Variants in ECE1 observed in about 807,000 individuals in gnomAD.
ECE1 encodes the protein endothelin-converting enzyme 1.
Under a neutral mutation model 98.6 loss-of-function variants are expected in ECE1, and 35 were observed. The observed-to-expected ratio is 0.35, with a 90% CI of 0.27 to 0.47. ECE1 has a LOEUF of 0.47. Ranked by LOEUF, ECE1 falls within the 20% of genes least tolerant of loss-of-function variation. The pLI is 1.00. For missense variants in ECE1, 814 were observed against 1,025.3 expected (o/e 0.79, Z 2.81); for synonymous variants, 394 against 407.1 (o/e 0.97, Z 0.39).
intron 1 of ECE1, among the ~76,000 whole-genome samples, chr1:21,296,465 A>T (rs1417923325): frequency 6.6e-6 from 1 of 152,212 alleles, no homozygotes; most frequent in Non-Finnish European, 1.5e-5. Context: ...GTGAGCTGAG[A>T]TCACGCCACT....
At position 21,290,302 on chromosome 1, in the gene ECE1, C is replaced by T; in HGVS notation, c.51+62G>A. ...AGACCGAGACCGGCCCACGGAGCGG[C>T]CCGCGCGGGGAGGGGTCCCGCCCGC... On this transcript the variant is annotated intron_variant, in intron 1 of 18. Transcript: ENST00000374893. This position sits in a 1 kb window ranked among gnomAD's most constrained non-coding sequence, Gnocchi z 7.3. 1 of 1,242,190 alleles carries T rather than the reference C, an allele frequency of 8.1e-7. No homozygotes were observed. Among genetic ancestry groups the T allele is most frequent in the Non-Finnish European group, 1.0e-6 (1 of 995,916 alleles). 76.9% of individuals were successfully genotyped at this position (1,242,190 alleles called of 1,614,324 possible).
In ECE1 at chr1:21,221,756, G is replaced by T. The variant is rs931853713; in HGVS notation, c.2127C>A (p.Gly709=). The T allele has an allele frequency of 6.2e-7, 1 of 1,614,184 alleles. No homozygotes were observed. Among genetic ancestry groups the T allele is most frequent in the Non-Finnish European group, 8.5e-7 (1 of 1,179,998 alleles). Reference sequence around the variant, plus strand: ...TTCCTAATGGACTCACCTGTGCAAAGCCCAGGAAGAAGAGCTGGTTATTGG... The same window carrying T: ...TTCCTAATGGACTCACCTGTGCAAATCCCAGGAAGAAGAGCTGGTTATTGG... ...GLTNNQLFFL[G]FAQVWCSVRT... The change falls in exon 18 of 19, where the codon GGC becomes GGA. Residue 709 remains glycine (G), a synonymous_variant. Coordinates refer to ENST00000374893, the MANE Select transcript of ECE1 (RefSeq NM_001397.3).
At position 21,219,108 on chromosome 1, in the gene ECE1, G is replaced by A. The variant is rs2098164246; in HGVS notation, c.*847C>T. 1 of 152,384 alleles carries A rather than the reference G, an allele frequency of 6.6e-6. No homozygotes were observed. The highest frequency in any genetic ancestry group is 2.1e-4 in the South Asian group (1 of 4,838). The allele number at this position is 152,384 out of a possible 1,614,324, so 9.4% of individuals were successfully genotyped here. A position where few individuals can be genotyped will look rare whatever the true frequency, so the allele number is the denominator to read the frequency against. ...CTGCAGTCTCGATTCAGGGTGCTTG[G>A]TGTTCCCAGATGGTGTTTGAGGGTC... On this transcript the variant is annotated 3_prime_UTR_variant, in exon 19 of 19. Transcript: ENST00000374893. The surrounding 1 kb of genome is among the most constrained non-coding windows in gnomAD (Gnocchi z 4.5).
At chr1:21,315,352 T>A (rs1033161000) in intron 1 of ECE1, among the ~76,000 whole-genome samples, 2 of 152,180 alleles carry the variant, frequency 1.3e-5, no homozygotes, top group Non-Finnish European at 2.9e-5. Flanking sequence ...CCCCAATGGA[T>A]CAACCTCAGA....
chr1:21,283,236 C>A (rs1015017791), intron 2 of ECE1, among the ~76,000 whole-genome samples: 1 of 151,608 alleles, frequency 6.6e-6, no homozygotes, highest in Non-Finnish European at 1.5e-5. Context: ...TGAGCCACAG[C>A]GCCCGGCCCA....
At chr1:21,332,315 T>G (rs188363260) in intron 1 of ECE1, among the ~76,000 whole-genome samples, 10 of 152,184 alleles carry the variant, frequency 6.6e-5, no homozygotes, top group African/African-American at 2.4e-4. Context: ...GCAGGGGCTC[T>G]GCTCCATCAG....
At chr1:21,229,863 T>C (rs995620872) in intron 14 of ECE1, among the ~76,000 whole-genome samples, 11 of 152,082 alleles carry the variant, frequency 7.2e-5, no homozygotes, top group African/African-American at 2.7e-4. Flanking sequence ...TGGAATTTAG[T>C]GTAACAGAGT....
At chr1:21,333,344 G>A (rs7529340) in intron 1 of ECE1, among the ~76,000 whole-genome samples, 7,591 of 150,434 alleles carry the variant, frequency 0.05, 253 homozygotes, top group East Asian at 0.12. Context: ...TGGGGGGGGC[G>A]GGGGGGTGGG....
intron 3 of ECE1, 89 bp downstream of exon 3, chr1:21,279,102 G>C: frequency 6.2e-7 from 1 of 1,606,714 alleles, no homozygotes; most frequent in Non-Finnish European, 8.5e-7. Flanking sequence ...GCCCTGCCCC[G>C]GCTTAAGCAG....
At chr1:21,338,981 A>G (rs1639352337) in intron 1 of ECE1, among the ~76,000 whole-genome samples, 1 of 152,076 alleles carries the variant, frequency 6.6e-6, no homozygotes. Context: ...CTTCTGGGCC[A>G]GGGGCTGCTC....
intron 4 of ECE1, among the ~76,000 whole-genome samples, chr1:21,268,902 G>T (rs1190766703): frequency 2.0e-5 from 3 of 152,180 alleles, no homozygotes; most frequent in Non-Finnish European, 4.4e-5. Context: ...ACAGGTGAGG[G>T]GCCATTTCCA....
At chr1:21,239,769 A>T (rs1429367251) in intron 10 of ECE1, among the ~76,000 whole-genome samples, 4 of 151,588 alleles carry the variant, frequency 2.6e-5, no homozygotes. Flanking sequence ...AAAATTTTTT[A>T]TACATTTTTT....
Position 21,220,843 on chromosome 1 carries a change from C to G in ECE1, c.2137-712G>C, listed in dbSNP as rs4654908. Among the ~76,000 whole-genome samples, 7 of 152,214 alleles carry G rather than the reference C, an allele frequency of 4.6e-5. No individual in the cohort carries two copies. Among genetic ancestry groups the G allele is most frequent in the East Asian group, 1.9e-4 (1 of 5,170 alleles). The stretch of plus-strand genomic sequence containing the variant: ...TACAACACCAGGGAGATAAGCCCCC[C>G]ACCTGATCCTGAGATCCCGGGGAGT... On this transcript the variant is annotated intron_variant, in intron 18 of 18. Transcript: ENST00000374893. The surrounding 1 kb of genome is among the most constrained non-coding windows in gnomAD (Gnocchi z 5.0).
Position 21,221,831 on chromosome 1 carries a change from G to C in ECE1, c.2052C>G (p.Asn684Lys). 6.2e-7 allele frequency: 1 copy of C among 1,614,196 alleles called. No individual in the cohort carries two copies. Among genetic ancestry groups the C allele is most frequent in the Non-Finnish European group, 8.5e-7 (1 of 1,180,032 alleles). The change falls in exon 18 of 19, where the codon AAC (asparagine) becomes AAG (lysine). Residue 684 changes from asparagine (N) to lysine (K), a missense_variant. Asn to Lys is a moderately conservative substitution (Grantham distance 94). This residue lies in a region of ECE1 where 452 missense variants were observed against 567.3 expected (regional missense o/e 0.80). Coordinates refer to ENST00000374893, the MANE Select transcript of ECE1 (RefSeq NM_001397.3). ...GCTCAGCCCCGTTCTTCTTCACCCA[G>C]TTCTGGTAAGCCTGGGAGGAGAGAA... ...GLKAAYRAYQ[N>K]WVKKNGAEHS...
intron 8 of ECE1, among the ~76,000 whole-genome samples, chr1:21,252,932 A>C (rs1415703094): frequency 6.6e-6 from 1 of 152,022 alleles, no homozygotes; most frequent in African/African-American, 2.4e-5. Context: ...TACTGAATGA[A>C]CTCTCATCCT....
rs2098223375 is a variant in ECE1 at position 21,258,921 on chromosome 1, C to T, written c.616-82G>A. 2 of 1,573,184 alleles carry T rather than the reference C, an allele frequency of 1.3e-6. No individual in the cohort carries two copies. The highest frequency in any genetic ancestry group is 8.7e-7 in the Non-Finnish European group (1 of 1,155,930). Reference sequence around the variant, plus strand: ...GAATTCTGGTTCTGCCGCTGACTTGCTCTGTGACCCTGGAGCAGTCGCCTG... The same window carrying T: ...GAATTCTGGTTCTGCCGCTGACTTGTTCTGTGACCCTGGAGCAGTCGCCTG... On this transcript the variant is annotated intron_variant, in intron 5 of 18. Coordinates refer to ENST00000374893, the MANE Select transcript of ECE1 (RefSeq NM_001397.3). The surrounding 1 kb of genome is among the most constrained non-coding windows in gnomAD (Gnocchi z 4.2).
At position 21,225,977 on chromosome 1, in the gene ECE1, G is replaced by A. The variant is rs1002112070; in HGVS notation, c.1850-537C>T. ...CCCAAAGTGCTGGGATTACAGGTGTGCGTCACCGTGCCTGGCTTATTTTCA... is the reference window on the plus strand; with the variant it reads ...CCCAAAGTGCTGGGATTACAGGTGTACGTCACCGTGCCTGGCTTATTTTCA... On this transcript the variant is annotated intron_variant, in intron 16 of 18. Coordinates refer to ENST00000374893, the MANE Select transcript of ECE1 (RefSeq NM_001397.3). The surrounding 1 kb of genome is among the most constrained non-coding windows in gnomAD (Gnocchi z 5.3). 1.3e-5 allele frequency among the ~76,000 whole-genome samples: 2 copies of A among 151,980 alleles called. No individual in the cohort carries two copies. Among genetic ancestry groups the A allele is most frequent in the African/African-American group, 4.8e-5 (2 of 41,374 alleles).
Position 21,327,007 on chromosome 1 carries a change from G to C in ECE1, c.3+18369C>G, listed in dbSNP as rs1040601406. ...TGGACTCCGTCAAAGCCTGGGGAGGGCAGGGTCCTGAGGGCCCTGGTCTCG... is the reference window on the plus strand; with the variant it reads ...TGGACTCCGTCAAAGCCTGGGGAGGCCAGGGTCCTGAGGGCCCTGGTCTCG... On this transcript the variant is annotated intron_variant, in intron 1 of 18. Transcript: ENST00000415912. The surrounding 1 kb of genome is among the most constrained non-coding windows in gnomAD (Gnocchi z 4.6). Among the ~76,000 whole-genome samples the C allele has an allele frequency of 6.6e-6, 1 of 152,328 alleles. No individual in the cohort carries two copies. The highest frequency in any genetic ancestry group is 2.4e-5 in the African/African-American group (1 of 41,576).
chr1:21,334,995 T>C (rs1195203618), intron 1 of ECE1, among the ~76,000 whole-genome samples: 1 of 152,054 alleles, frequency 6.6e-6, no homozygotes, highest in Non-Finnish European at 1.5e-5. Flanking sequence ...CCCACCACTA[T>C]TAGAACGAAA....
Sources: allele counts gnomAD v4.1 joint callset (sites outside exome capture counted in the v4.1 genomes callset), GRCh38; gene constraint gnomAD v4.1.1; regional missense constraint gnomAD v4.1.1; non-coding constraint Gnocchi (gnomAD v3.1); transcripts MANE v1.5; gene names NCBI Gene and HGNC (gene_info 2026-07-23, HGNC 2026-07-21).